The following SUGCT variants were observed in gnomAD, a reference collection of about 807,000 sequenced individuals.
The protein encoded by SUGCT is succinyl-CoA:glutarate-CoA transferase, also known as succinyl-CoA:glutarate CoA-transferase.
A neutral mutation model predicts 55.0 loss-of-function variants in SUGCT; 41 were observed. The ratio of observed to expected loss-of-function variants is 0.74; its 90% CI spans 0.58 to 0.97. The LOEUF (loss-of-function observed/expected upper bound fraction) is 0.97. Ranked by LOEUF, SUGCT falls within the 50% of genes least tolerant of loss-of-function variation. The pLI is 0.00. For synonymous variants in SUGCT, 187 were observed against 200.4 expected (o/e 0.93, Z 0.56); for missense variants, 568 against 547.8 (o/e 1.04, Z -0.37).
intron 12 of SUGCT, among the ~76,000 whole-genome samples, chr7:40,615,998 T>G (rs1481979600): frequency 6.6e-6 from 1 of 152,244 alleles, no homozygotes; most frequent in Non-Finnish European, 1.5e-5. Context: ...AAACATCACC[T>G]GTTTCTTTTC....
At chr7:40,911,996 G>A in the SUGCT span, among the ~76,000 whole-genome samples, 6 of 152,070 alleles carry the variant, frequency 3.9e-5, no homozygotes, top group East Asian at 5.8e-4. Context: ...TTGGTATTTC[G>A]TCCTAAGCAC....
chr7:40,951,067 C>G, the SUGCT span, among the ~76,000 whole-genome samples: 1 of 152,126 alleles, frequency 6.6e-6, no homozygotes, highest in Non-Finnish European at 1.5e-5. Flanking sequence ...TGGTAGAATT[C>G]AGCTGTGAAT....
At chr7:41,005,681 G>A in the SUGCT span, among the ~76,000 whole-genome samples, 1 of 152,164 alleles carries the variant, frequency 6.6e-6, no homozygotes, top group African/African-American at 2.4e-5. Context: ...GTTTAGGTTT[G>A]TTGCCTTTAT....
intron 12 of SUGCT, among the ~76,000 whole-genome samples, chr7:40,679,365 TAAGA>T (rs1784141818): frequency 6.7e-6 from 1 of 149,528 alleles, no homozygotes; most frequent in East Asian, 2.1e-4. Flanking sequence ...GTATCCCTGA[TAAGA>T]ACAGATGACC....
At chr7:41,022,206 A>G in the SUGCT span, among the ~76,000 whole-genome samples, 2 of 152,154 alleles carry the variant, frequency 1.3e-5, no homozygotes, top group Non-Finnish European at 2.9e-5. Flanking sequence ...AAGAGCAGCT[A>G]GAACAAAAAG....
intron 12 of SUGCT, among the ~76,000 whole-genome samples, chr7:40,647,577 G>A (rs1249856204): frequency 3.3e-5 from 5 of 152,222 alleles, no homozygotes; most frequent in East Asian, 3.9e-4. Flanking sequence ...TCAGCCAGGC[G>A]CAGTGGCTCA....
At chr7:40,811,611 T>C in intron 13 of SUGCT, among the ~76,000 whole-genome samples, 1 of 152,178 alleles carries the variant, frequency 6.6e-6, no homozygotes, top group East Asian at 1.9e-4. Context: ...TTTTTGTACA[T>C]GGATTTTGTG....
the SUGCT span, among the ~76,000 whole-genome samples, chr7:40,903,295 A>G: frequency 6.6e-6 from 1 of 152,188 alleles, no homozygotes; most frequent in Non-Finnish European, 1.5e-5. Flanking sequence ...CAGAACAGGT[A>G]TCACTTGAGG....
At chr7:40,977,639 C>A in the SUGCT span, among the ~76,000 whole-genome samples, 3 of 152,238 alleles carry the variant, frequency 2.0e-5, no homozygotes, top group African/African-American at 7.2e-5. Context: ...AAATGGAAAC[C>A]ACTCCCTCTC....
At chr7:40,812,498 T>C (rs568251532) in intron 13 of SUGCT, among the ~76,000 whole-genome samples, 1 of 152,144 alleles carries the variant, frequency 6.6e-6, no homozygotes, top group Non-Finnish European at 1.5e-5. Flanking sequence ...AGTTTTTTTC[T>C]AGTTTGCACG....
At chr7:40,905,260 C>T in the SUGCT span, among the ~76,000 whole-genome samples, 2 of 152,114 alleles carry the variant, frequency 1.3e-5, no homozygotes, top group African/African-American at 4.8e-5. Context: ...TGTGAGAAGA[C>T]GATTCTGAAC....
At chr7:40,972,252 C>T in the SUGCT span, among the ~76,000 whole-genome samples, 5 of 152,180 alleles carry the variant, frequency 3.3e-5, no homozygotes, top group African/African-American at 4.8e-5. Flanking sequence ...ATTAACTTAA[C>T]CAATTTCTCC....
the SUGCT span, among the ~76,000 whole-genome samples, chr7:40,997,931 G>C: frequency 6.6e-6 from 1 of 151,888 alleles, no homozygotes. Context: ...GCTTGCCCTG[G>C]TGTATTCATA....
chr7:40,734,416 A>G (rs1787053822), intron 12 of SUGCT, among the ~76,000 whole-genome samples: 1 of 152,194 alleles, frequency 6.6e-6, no homozygotes, highest in African/African-American at 2.4e-5. Flanking sequence ...ATTATTACTC[A>G]AGTCATTTTA....
At chr7:40,245,423 ATTTTT>A (rs1168316176) in intron 7 of SUGCT, among the ~76,000 whole-genome samples, 1 of 54,586 alleles carries the variant, frequency 1.8e-5, no homozygotes, top group Non-Finnish European at 3.3e-5. Flanking sequence ...ATATATATAT[ATTTTT>A]TTTTTTTTTT....
intron 12 of SUGCT, among the ~76,000 whole-genome samples, chr7:40,533,747 C>T (rs1794212974): frequency 6.6e-6 from 1 of 152,090 alleles, no homozygotes; most frequent in Non-Finnish European, 1.5e-5. Flanking sequence ...TCTAAAACAT[C>T]TAGTGTTTTA....
At chr7:40,685,038 G>T (rs1784407013) in intron 12 of SUGCT, among the ~76,000 whole-genome samples, 1 of 151,786 alleles carries the variant, frequency 6.6e-6, no homozygotes, top group Non-Finnish European at 1.5e-5. Flanking sequence ...TTTTTTTTCA[G>T]TAGAGATGGA....
At chr7:40,992,326 C>T in the SUGCT span, among the ~76,000 whole-genome samples, 1 of 152,138 alleles carries the variant, frequency 6.6e-6, no homozygotes, top group Admixed American at 6.5e-5. Context: ...ATATAATGAG[C>T]AGTCAGGACA....
intron 13 of SUGCT, among the ~76,000 whole-genome samples, chr7:40,777,897 C>T (rs942727176): frequency 1.3e-5 from 2 of 152,152 alleles, no homozygotes; most frequent in Admixed American, 6.5e-5. Context: ...ATCACAGTTC[C>T]TCTGCCTGAC....
Sources: allele counts gnomAD v4.1 joint callset (sites outside exome capture counted in the v4.1 genomes callset), GRCh38; gene constraint gnomAD v4.1.1; transcripts MANE v1.5; gene names NCBI Gene and HGNC (gene_info 2026-07-23, HGNC 2026-07-21).